The following LMLN variants were observed in gnomAD, a reference collection of about 807,000 sequenced individuals.
LMLN encodes the protein leishmanolysin like peptidase.
LMLN carries 70 observed loss-of-function variants against 92.3 expected under a neutral mutation model. The ratio of observed to expected loss-of-function variants is 0.76; its 90% CI spans 0.63 to 0.92. LMLN has a LOEUF of 0.92. Among genes scored for constraint, LMLN ranks in the 40% least tolerant of loss-of-function variants. The pLI is 0.00. For synonymous variants in LMLN, 308 were observed against 296.2 expected (o/e 1.04, Z -0.41); for missense variants, 691 against 814.6 (o/e 0.85, Z 1.85).
At chr3:198,024,784 A>C (rs780459964) in exon 14 of LMLN, 1 of 1,606,354 alleles carries the variant, frequency 6.2e-7, no homozygotes, top group Non-Finnish European at 8.5e-7. Context: ...AGCGGATGCT[A>C]TCAGGTAAGC....
intron 12 of LMLN, 104 bp from the exon 14 acceptor site, chr3:198,021,342 T>C: frequency 1.1e-6 from 1 of 896,718 alleles, no homozygotes. Context: ...ATTAGTATCT[T>C]GTGTTATGTG....
chr3:197,962,227 G>A (rs924939835), intron 1 of LMLN, among the ~76,000 whole-genome samples: 5 of 151,804 alleles, frequency 3.3e-5, no homozygotes, highest in Non-Finnish European at 5.9e-5. Context: ...TGTATTGAAT[G>A]GAATTATATG....
rs1382508537 is a variant in LMLN at position 197,966,339 on chromosome 3, G to A, written c.219+5899G>A. On this transcript the variant is annotated intron_variant, in intron 1 of 15. Transcript: ENST00000330198. ...TTACAGGCATGAGCCACTGCACCTG[G>A]CCTATTACATCTTTAATGTTAATAT... Among the ~76,000 whole-genome samples the A allele has an allele frequency of 5.9e-5, 9 of 152,302 alleles. No individual in the cohort carries two copies. The South Asian group carries it at 1.9e-3, about 32-fold the overall frequency.
chr3:198,036,320 G>A (rs917070316), intron 15 of LMLN, among the ~76,000 whole-genome samples: 15 of 152,096 alleles, frequency 9.9e-5, no homozygotes, highest in African/African-American at 3.1e-4. Flanking sequence ...AAAAGTGAAC[G>A]TTGTATCCAT....
chr3:198,039,462 A>G (rs1358442150), exon 16 of LMLN: 1 of 152,210 alleles, frequency 6.6e-6, no homozygotes, highest in Non-Finnish European at 1.5e-5. Context: ...TTTTAAATTT[A>G]ATGGCAGCCA....
chr3:197,983,753 CAG>C (rs112222702), intron 6 of LMLN, among the ~76,000 whole-genome samples, 188 bp from the exon 7 acceptor site: 3,026 of 152,068 alleles, frequency 0.02, 29 homozygotes, highest in African/African-American at 0.028. Flanking sequence ...TTTGTGGAAA[CAG>C]GGGTTGATTT....
At chr3:198,024,259 A>G (rs1356777476) in intron 13 of LMLN, among the ~76,000 whole-genome samples, 1 of 137,716 alleles carries the variant, frequency 7.3e-6, no homozygotes, top group African/African-American at 2.8e-5. Context: ...TCTGTCGCCC[A>G]GGCTGGAGTG....
intron 15 of LMLN, among the ~76,000 whole-genome samples, chr3:198,037,872 A>G (rs1395382919): frequency 1.3e-5 from 2 of 152,166 alleles, no homozygotes; most frequent in Non-Finnish European, 2.9e-5. Flanking sequence ...TGGTGATATG[A>G]ATGTATGGGT....
In LMLN at chr3:197,980,323, C is replaced by T. The variant is rs992588033; in HGVS notation, c.550-3C>T. 2 of 1,611,044 alleles carry T rather than the reference C, an allele frequency of 1.2e-6. No individual in the cohort carries two copies. The highest frequency in any genetic ancestry group is 2.7e-5 in the African/African-American group (2 of 74,772). On this transcript the variant is annotated splice_region_variant and splice_polypyrimidine_tract_variant and intron_variant, in intron 5 of 15. Transcript: ENST00000330198. ...GGCTTTCTGATGTCTCCCGTGGGTG[C>T]AGCAATGCCGGGTCTACCGTGGGGG...
intron 14 of LMLN, among the ~76,000 whole-genome samples, chr3:198,027,835 A>G (rs1020750543): frequency 6.6e-6 from 1 of 152,122 alleles, no homozygotes; most frequent in African/African-American, 2.4e-5. Context: ...GCTTCCGCGT[A>G]TCTGTCTGAG....
intron 11 of LMLN, among the ~76,000 whole-genome samples, chr3:198,014,650 C>G (rs1317438302): frequency 7.2e-6 from 1 of 139,042 alleles, no homozygotes; most frequent in African/African-American, 2.8e-5. Flanking sequence ...TCTCTCCACC[C>G]TTCAGAGTCC....
chr3:197,990,560 C>T, exon 9 of LMLN: 1 of 1,346,534 alleles, frequency 7.4e-7, no homozygotes, highest in Non-Finnish European at 1.1e-6. Context: ...TAATTACAGT[C>T]TGGGATTATA....
At chr3:198,001,446 G>A (rs1489464371) in intron 11 of LMLN, among the ~76,000 whole-genome samples, 1 of 152,182 alleles carries the variant, frequency 6.6e-6, no homozygotes, top group Admixed American at 6.5e-5. Context: ...TCATCGACAT[G>A]TACCTTCACA....
chr3:198,015,907 T>A (rs2109928711), intron 11 of LMLN, among the ~76,000 whole-genome samples: 1 of 152,204 alleles, frequency 6.6e-6, no homozygotes, highest in South Asian at 2.1e-4. Context: ...TAAAAAAAAA[T>A]TCCCCTGGTG....
chr3:198,034,910 T>C (rs888000248), intron 14 of LMLN, among the ~76,000 whole-genome samples: 1 of 152,182 alleles, frequency 6.6e-6, no homozygotes, highest in Non-Finnish European at 1.5e-5. Context: ...AAATTTGACT[T>C]ATGGCCAGGT....
chr3:198,014,737 CT>C (rs1722569925), intron 11 of LMLN, among the ~76,000 whole-genome samples: 1 of 143,124 alleles, frequency 7.0e-6, no homozygotes, highest in Non-Finnish European at 1.5e-5. Flanking sequence ...TCAGAGCCCC[CT>C]AACTAGTCTG....
chr3:198,026,718 A>G (rs1722942922), intron 14 of LMLN, among the ~76,000 whole-genome samples: 1 of 152,164 alleles, frequency 6.6e-6, no homozygotes, highest in Non-Finnish European at 1.5e-5. Flanking sequence ...TTAATGGAGT[A>G]TGGTGTTTAG....
chr3:198,016,502 G>T (rs908285818), intron 11 of LMLN, among the ~76,000 whole-genome samples: 1 of 152,238 alleles, frequency 6.6e-6, no homozygotes, highest in Non-Finnish European at 1.5e-5. Context: ...ACTGTGCTGA[G>T]AGCCGGGCAC....
At chr3:198,024,506 T>A (rs1260536361) in intron 13 of LMLN, 152 bp from the exon 15 acceptor site, 4 of 631,702 alleles carry the variant, frequency 6.3e-6, no homozygotes, top group Non-Finnish European at 9.8e-6. Context: ...TGAGCCACCG[T>A]GCCCAGCCTA....
Sources: allele counts gnomAD v4.1 joint callset (sites outside exome capture counted in the v4.1 genomes callset), GRCh38; gene constraint gnomAD v4.1.1; transcripts MANE v1.5; gene names NCBI Gene and HGNC (gene_info 2026-07-23, HGNC 2026-07-21).